The following CHGB variants were observed in gnomAD, a reference collection of about 807,000 sequenced individuals.
CHGB encodes the protein chromogranin B.
CHGB carries 46 observed loss-of-function variants against 69.9 expected under a neutral mutation model. The observed-to-expected ratio is 0.66, with a 90% confidence interval of 0.52 to 0.84. The LOEUF (loss-of-function observed/expected upper bound fraction) is 0.84. CHGB is among the 40% of genes least tolerant of loss of function. The pLI, the probability that CHGB is intolerant of heterozygous loss-of-function variation, is 0.00. For missense variants in CHGB, 796 were observed against 822.2 expected, an observed-to-expected ratio of 0.97 and a Z score of 0.39; for synonymous variants, 312 against 298.2, an observed-to-expected ratio of 1.05 and a Z score of -0.48.
chr20:5,923,683 A>G lies in CHGB; in HGVS notation c.1539A>G (p.Glu513=). ...DKQYSSHHTA[E]KRKRLGELFN... is the part of the protein sequence containing the mutation. ...AATATAGCTCCCATCACACAGCTGAAAAGAGGAAGAGATTAGGGGAACTGT... is the reference window on the plus strand; with the variant it reads ...AATATAGCTCCCATCACACAGCTGAGAAGAGGAAGAGATTAGGGGAACTGT... Residue 513 remains glutamate (E), a synonymous_variant, in exon 4 of 5, where the codon GAA becomes GAG. Transcript: ENST00000378961. The G allele has an allele frequency of 6.2e-7, 1 of 1,614,168 alleles. No individual in the cohort carries two copies. Among genetic ancestry groups the G allele is most frequent in the Non-Finnish European group, 8.5e-7 (1 of 1,180,040 alleles).
chr20:5,916,217 C>A (rs544166665), intron 1 of CHGB, 109 bp from the exon 2 acceptor site: 1 of 758,656 alleles, frequency 1.3e-6, no homozygotes, highest in Non-Finnish European at 2.3e-6. Context: ...ATATTTAAGA[C>A]ATTGCCAGGG....
Position 5,922,765 on chromosome 20 carries a change from T to C in CHGB, c.621T>C (p.Ala207=). 4.3e-6 allele frequency: 7 copies of C among 1,613,964 alleles called. No homozygotes were observed. Among genetic ancestry groups the C allele is most frequent in the Non-Finnish European group, 5.9e-6 (7 of 1,179,992 alleles). ...AFLNERKQAS[A]IKKEELVARS... is the part of the protein sequence containing the mutation. ...TCAATGAAAGAAAGCAGGCTTCAGC[T>C]ATAAAAAAAGAGGAGTTAGTGGCCA... Residue 207 remains alanine (A), a synonymous_variant, in exon 4 of 5, where the codon GCT becomes GCC. Coordinates refer to ENST00000378961, the MANE Select transcript of CHGB (RefSeq NM_001819.3).
intron 3 of CHGB, among the ~76,000 whole-genome samples, chr20:5,921,185 A>C (rs1041103883): frequency 5.3e-5 from 8 of 152,210 alleles, no homozygotes; most frequent in African/African-American, 1.9e-4. Flanking sequence ...TACATCCAAA[A>C]TATTATTTCA....
intron 3 of CHGB, among the ~76,000 whole-genome samples, chr20:5,918,340 G>A (rs888856199): frequency 6.6e-6 from 1 of 151,334 alleles, no homozygotes; most frequent in Admixed American, 6.6e-5. Flanking sequence ...TGAGATCGTG[G>A]CATTCCACTC....
In CHGB at chr20:5,924,997, C is replaced by T. The variant is rs1317869798; in HGVS notation, c.1982C>T (p.Ala661Val). 1.2e-6 allele frequency: 2 copies of T among 1,613,146 alleles called. No individual in the cohort carries two copies. The highest frequency in any genetic ancestry group is 4.5e-5 in the East Asian group (2 of 44,862). The change falls in exon 5 of 5, where the codon GCA becomes GTA. Residue 661 changes from alanine (A) to valine (V), a missense_variant. By Grantham distance (64) the Ala-to-Val change is moderately conservative. Around this residue, in one of 3 missense-constraint regions of CHGB, gnomAD observed 274 missense variants for 298.9 expected, o/e 0.92. Coordinates refer to ENST00000378961, the MANE Select transcript of CHGB (RefSeq NM_001819.3). ...DEKKELENLAAMDLELQKIAE... is the reference protein window; with the variant it reads ...DEKKELENLAVMDLELQKIAE... ...AAAAAAGAACTCGAAAACTTGGCTG[C>T]AATGGATTTGGAACTACAGAAGATA...
intron 4 of CHGB, 142 bp downstream of exon 4, chr20:5,924,242 C>A: frequency 8.0e-7 from 1 of 1,244,718 alleles, no homozygotes; most frequent in Non-Finnish European, 1.1e-6. Context: ...GAGTGGAGGC[C>A]ACCTTGGGGG....
intron 3 of CHGB, among the ~76,000 whole-genome samples, chr20:5,920,039 G>A (rs190987764): frequency 1.3e-5 from 2 of 152,210 alleles, no homozygotes; most frequent in African/African-American, 2.4e-5. Flanking sequence ...CCCTGTTTTC[G>A]CTTGAAAGTA....
intron 1 of CHGB, among the ~76,000 whole-genome samples, chr20:5,912,890 G>A (rs907375011): frequency 6.6e-6 from 1 of 151,888 alleles, no homozygotes; most frequent in East Asian, 1.9e-4. Flanking sequence ...AAAGCCAGTC[G>A]TAATTAATTT....
In CHGB at chr20:5,922,770, A is replaced by G; in HGVS notation, c.626A>G (p.Lys209Arg). ...LNERKQASAI[K>R]KEELVARSET... ...GAAAGAAAGCAGGCTTCAGCTATAA[A>G]AAAAGAGGAGTTAGTGGCCAGATCG... The change falls in exon 4 of 5, where the codon AAA becomes AGA. Residue 209 changes from lysine (K) to arginine (R), a missense_variant. This residue lies in a region of CHGB where 518 missense variants were observed against 506.3 expected (regional missense o/e 1.02). Coordinates refer to ENST00000378961, the MANE Select transcript of CHGB (RefSeq NM_001819.3). 14 of 1,614,170 alleles carry G rather than the reference A, an allele frequency of 8.7e-6. No individual in the cohort carries two copies. Among genetic ancestry groups the G allele is most frequent in the Non-Finnish European group, 1.1e-5 (13 of 1,180,038 alleles).
rs1385767412 is a variant in CHGB at position 5,923,920 on chromosome 20, C to G, written c.1776C>G (p.Val592=). ...ATGAGAAGAGAAACCTCGCCAGGGT[C>G]CCCAAGCTGGACCTGAAAAGGCAAT... is the stretch of plus-strand genomic sequence containing the variant. The part of the protein sequence containing the change: ...WGYEKRNLAR[V]PKLDLKRQYD... Residue 592 remains valine (V), a synonymous_variant, in exon 4 of 5, where the codon GTC becomes GTG. Coordinates refer to ENST00000378961, the MANE Select transcript of CHGB (RefSeq NM_001819.3). 6.2e-7 allele frequency: 1 copy of G among 1,614,010 alleles called. No homozygotes were observed. Among genetic ancestry groups the G allele is most frequent in the Non-Finnish European group, 8.5e-7 (1 of 1,180,016 alleles).
Position 5,922,727 on chromosome 20 carries a change from C to A in CHGB, c.583C>A (p.Gln195Lys). The A allele has an allele frequency of 3.7e-6, 6 of 1,614,078 alleles. No individual in the cohort carries two copies. Among genetic ancestry groups the A allele is most frequent in the South Asian group, 1.1e-5 (1 of 91,072 alleles). Residue 195 changes from glutamine (Q) to lysine (K), a missense_variant, in exon 4 of 5, where the codon CAA becomes AAA. By Grantham distance (53) the Gln-to-Lys change is moderately conservative. Transcript: ENST00000378961. ...EKHLEEPGET[Q>K]NAFLNERKQA... ...ACACCTTGAAGAGCCAGGAGAGACA[C>A]AAAACGCTTTTCTCAATGAAAGAAA...
In CHGB at chr20:5,922,914, C is replaced by T; in HGVS notation, c.770C>T (p.Pro257Leu). ...CACCCCCAGGAGTCTAAAGGCCAAC[C>T]CCGAAGCCAGGAAGAATCTGAGGAA... ...ENHPQESKGQ[P>L]RSQEESEEGE... Residue 257 changes from proline to leucine, a missense_variant, in exon 4 of 5, where the codon CCC (proline) becomes CTC (leucine). By Grantham distance (98) the Pro-to-Leu change is moderately conservative (BLOSUM62 -3). Transcript: ENST00000378961. The T allele has an allele frequency of 6.2e-7, 1 of 1,613,348 alleles. No homozygotes were observed. Among genetic ancestry groups the T allele is most frequent in the Non-Finnish European group, 8.5e-7 (1 of 1,179,720 alleles).
chr20:5,919,720 T>C (rs2088502516), intron 3 of CHGB, among the ~76,000 whole-genome samples: 1 of 152,204 alleles, frequency 6.6e-6, no homozygotes, highest in Non-Finnish European at 1.5e-5. Flanking sequence ...CCTATTCTAG[T>C]TCTCTCTCTC....
At chr20:5,921,134 A>G (rs2088511425) in intron 3 of CHGB, among the ~76,000 whole-genome samples, 1 of 152,196 alleles carries the variant, frequency 6.6e-6, no homozygotes, top group South Asian at 2.1e-4. Flanking sequence ...TCTGATATAT[A>G]ATTTTATAAA....
intron 3 of CHGB, among the ~76,000 whole-genome samples, chr20:5,918,799 G>A (rs1022123211): frequency 5.8e-4 from 62 of 107,074 alleles, no homozygotes; most frequent in African/African-American, 2.1e-3. Context: ...GTGACAGAGC[G>A]AGTCTCTGTC....
Position 5,922,607 on chromosome 20 carries a change from C to A in CHGB, c.463C>A (p.Arg155Ser). The stretch of plus-strand genomic sequence containing the variant: ...CCAAGTCTCTGAAGAAGTGAAGACA[C>A]GCCATTCTGAGAAGAGCCAGAGAGA... ...DSQVSEEVKT[R>S]HSEKSQREDE... is the part of the protein sequence containing the mutation. The change falls in exon 4 of 5, where the codon CGC (arginine) becomes AGC (serine). Residue 155 changes from arginine (R) to serine (S), a missense_variant. Coordinates refer to ENST00000378961, the MANE Select transcript of CHGB (RefSeq NM_001819.3). 1 of 1,613,946 alleles carries A rather than the reference C, an allele frequency of 6.2e-7. No individual in the cohort carries two copies. The highest frequency in any genetic ancestry group is 2.2e-5 in the East Asian group (1 of 44,856).
In CHGB at chr20:5,922,989, G is replaced by A. The variant is rs147053014; in HGVS notation, c.845G>A (p.Arg282Lys). 1.4e-4 allele frequency: 232 copies of A among 1,610,312 alleles called. No homozygotes were observed. The highest frequency in any genetic ancestry group is 1.8e-4 in the Non-Finnish European group (217 of 1,178,224). The change falls in exon 4 of 5, where the codon AGA becomes AAA. Residue 282 changes from arginine to lysine, a missense_variant. Around this residue, in one of 3 missense-constraint regions of CHGB, gnomAD observed 518 missense variants for 506.3 expected, o/e 1.02. Transcript: ENST00000378961. ...GTGGACAAACGACGCACGAGGCCCA[G>A]ACACCACCACGGGAGGAGCAGGCCC... is the stretch of plus-strand genomic sequence containing the variant. ...SEVDKRRTRP[R>K]HHHGRSRPDR...
At position 5,925,050 on chromosome 20, in the gene CHGB, C is replaced by A. The variant is rs1009506021; in HGVS notation, c.*1C>A. 3.1e-6 allele frequency: 5 copies of A among 1,604,972 alleles called. No individual in the cohort carries two copies. Among genetic ancestry groups the A allele is most frequent in the Non-Finnish European group, 4.3e-6 (5 of 1,172,080 alleles). On this transcript the variant is annotated 3_prime_UTR_variant, in exon 5 of 5. Coordinates refer to ENST00000378961, the MANE Select transcript of CHGB (RefSeq NM_001819.3). Reference sequence around the variant, plus strand: ...TGAGAAATTCAGCCAAAGGGGCTGACTGTCATTGGAGCGGTGGGCACTGTT... The same window carrying A: ...TGAGAAATTCAGCCAAAGGGGCTGAATGTCATTGGAGCGGTGGGCACTGTT...
intron 1 of CHGB, among the ~76,000 whole-genome samples, chr20:5,914,147 A>G (rs2088462635): frequency 6.6e-6 from 1 of 152,142 alleles, no homozygotes; most frequent in Non-Finnish European, 1.5e-5. Flanking sequence ...TACAGAGAGC[A>G]TTAGATTTTC....
Sources: allele counts gnomAD v4.1 joint callset (sites outside exome capture counted in the v4.1 genomes callset), GRCh38; gene constraint gnomAD v4.1.1; regional missense constraint gnomAD v4.1.1; transcripts MANE v1.5; gene names NCBI Gene and HGNC (gene_info 2026-07-23, HGNC 2026-07-21).